The following DAB1 variants were observed in gnomAD, a reference collection of about 807,000 sequenced individuals.
DAB1 encodes disabled homolog 1.
In DAB1, 15 loss-of-function variants were observed where a neutral mutation model predicts 64.6. The ratio of observed to expected loss-of-function variants is 0.23; its 90% CI spans 0.16 to 0.36. The LOEUF is 0.36. Among genes scored for constraint, DAB1 ranks in the 10% least tolerant of loss-of-function variants. The probability of loss-of-function intolerance (pLI) is 1.00; values close to 1 mark genes in which losing one functional copy is unlikely to be tolerated. For synonymous variants in DAB1, 235 were observed against 251.9 expected (o/e 0.93, Z 0.64); for missense variants, 596 against 706.7 (o/e 0.84, Z 1.78).
chr1:57,654,657 A>AT (rs1162812766), intron 6 of DAB1, among the ~76,000 whole-genome samples: 2 of 152,000 alleles, frequency 1.3e-5, no homozygotes, highest in East Asian at 1.9e-4. Context: ...CTCTTCTCTC[A>AT]TTTTTTCTTA....
At chr1:58,168,233 C>T (rs1655969414) in intron 4 of DAB1, among the ~76,000 whole-genome samples, 1 of 152,130 alleles carries the variant, frequency 6.6e-6, no homozygotes, top group Non-Finnish European at 1.5e-5. Context: ...GCTGGTTTGC[C>T]TGGAAGCAGC....
intron 5 of DAB1, among the ~76,000 whole-genome samples, chr1:58,054,325 A>G (rs545920533): frequency 6.6e-6 from 1 of 152,140 alleles, no homozygotes; most frequent in East Asian, 1.9e-4. Flanking sequence ...AGTTCTTTCT[A>G]CTCCTCCATC....
At chr1:57,062,335 T>C (rs72903396) in intron 9 of DAB1, among the ~76,000 whole-genome samples, 2,764 of 152,268 alleles carry the variant, frequency 0.018, 85 homozygotes, top group African/African-American at 0.063. Flanking sequence ...CAGCCTCTCC[T>C]ACTGTCCCTT....
At chr1:57,935,540 G>T (rs938814393) in intron 5 of DAB1, among the ~76,000 whole-genome samples, 1 of 152,138 alleles carries the variant, frequency 6.6e-6, no homozygotes, top group Admixed American at 6.5e-5. Context: ...GAGAAAAGGG[G>T]AATTACCATT....
At chr1:58,384,686 C>T (rs890004209) in intron 3 of DAB1, among the ~76,000 whole-genome samples, 10 of 152,284 alleles carry the variant, frequency 6.6e-5, no homozygotes, top group South Asian at 4.1e-4. Flanking sequence ...AGTAGGGAAG[C>T]CAACAGTGCA....
chr1:57,367,299 A>T (rs148493444), intron 1 of DAB1, among the ~76,000 whole-genome samples: 323 of 152,094 alleles, frequency 2.1e-3, no homozygotes, highest in African/African-American at 7.3e-3. Context: ...AAAGTCACAC[A>T]AAATGGTACT....
chr1:57,925,683 C>T (rs1644868904), intron 5 of DAB1, among the ~76,000 whole-genome samples: 1 of 152,040 alleles, frequency 6.6e-6, no homozygotes, highest in African/African-American at 2.4e-5. Context: ...AAACTGAGGC[C>T]CAAAGACGGA....
intron 2 of DAB1, among the ~76,000 whole-genome samples, chr1:57,231,275 C>G (rs997679641): frequency 2.6e-5 from 4 of 152,156 alleles, no homozygotes; most frequent in African/African-American, 9.7e-5. Context: ...TCTCACTCTC[C>G]AAGACAAGGC....
intron 3 of DAB1, among the ~76,000 whole-genome samples, chr1:58,502,155 G>A (rs1179165098): frequency 6.6e-6 from 1 of 151,900 alleles, no homozygotes; most frequent in African/African-American, 2.4e-5. Context: ...GATATGCAAG[G>A]GATCCAATAA....
chr1:57,156,895 T>C lies in DAB1; in HGVS notation c.68-11466A>G, dbSNP rs545420049. ...AGATTCTGTCAGGAAGTACACTAAG[T>C]AACTGTCTCAAAGCAGAAGCAGCAG... On this transcript the variant is annotated intron_variant, in intron 2 of 14. Coordinates refer to ENST00000371236, the MANE Select transcript of DAB1 (RefSeq NM_001365792.1). 3.3e-5 allele frequency among the ~76,000 whole-genome samples: 5 copies of C among 152,264 alleles called. No individual in the cohort carries two copies. The South Asian group carries it at 1.0e-3, about 32-fold the overall frequency.
chr1:57,626,434 G>C (rs989472049), intron 7 of DAB1, among the ~76,000 whole-genome samples: 1 of 152,184 alleles, frequency 6.6e-6, no homozygotes, highest in Non-Finnish European at 1.5e-5. Context: ...TGAAGGCACT[G>C]AGATGTCTAG....
chr1:58,151,065 A>G (rs907808348), intron 4 of DAB1, among the ~76,000 whole-genome samples: 49 of 152,132 alleles, frequency 3.2e-4, no homozygotes, highest in African/African-American at 1.1e-3. Flanking sequence ...ATGTATATGT[A>G]CCACATTTTC....
intron 3 of DAB1, among the ~76,000 whole-genome samples, chr1:58,369,062 T>G (rs903528991): frequency 1.8e-4 from 27 of 152,178 alleles, no homozygotes; most frequent in African/African-American, 5.8e-4. Context: ...GGTGCATAAA[T>G]AACCTAGCTC....
intron 7 of DAB1, among the ~76,000 whole-genome samples, chr1:57,546,875 G>A (rs538958315): frequency 1.3e-5 from 2 of 152,188 alleles, no homozygotes; most frequent in Admixed American, 1.3e-4. Context: ...TATGCACATG[G>A]GCAGAATACA....
intron 7 of DAB1, among the ~76,000 whole-genome samples, chr1:57,623,330 G>A (rs1570682527): frequency 6.6e-6 from 1 of 152,124 alleles, no homozygotes; most frequent in South Asian, 2.1e-4. Context: ...GGTCTCTGTC[G>A]AATTTGTTGA....
intron 2 of DAB1, among the ~76,000 whole-genome samples, chr1:57,168,039 A>T (rs1399616818): frequency 6.6e-6 from 1 of 152,162 alleles, no homozygotes; most frequent in Non-Finnish European, 1.5e-5. Flanking sequence ...AAAGTTGCAG[A>T]TAATATTTCT....
chr1:57,373,879 G>A (rs1468681673), intron 1 of DAB1, among the ~76,000 whole-genome samples: 1 of 152,126 alleles, frequency 6.6e-6, no homozygotes, highest in Non-Finnish European at 1.5e-5. Context: ...ACACATATCA[G>A]AAGATACTTA....
At chr1:57,275,253 T>A (rs1176349795) in intron 2 of DAB1, among the ~76,000 whole-genome samples, 1 of 152,184 alleles carries the variant, frequency 6.6e-6, no homozygotes, top group Admixed American at 6.5e-5. Context: ...AATTTGCAAT[T>A]TAAAAACACT....
chr1:57,411,878 C>T (rs1558335705), intron 1 of DAB1, among the ~76,000 whole-genome samples: 1 of 152,168 alleles, frequency 6.6e-6, no homozygotes, highest in Non-Finnish European at 1.5e-5. Flanking sequence ...TACAGACATA[C>T]CTACTTTTAT....
Sources: allele counts gnomAD v4.1 joint callset (sites outside exome capture counted in the v4.1 genomes callset), GRCh38; gene constraint gnomAD v4.1.1; transcripts MANE v1.5; gene names NCBI Gene and HGNC (gene_info 2026-07-23, HGNC 2026-07-21).